NUAK1: variants seen among roughly 807,000 people sequenced by gnomAD.
NUAK1 encodes NUAK family SNF1-like kinase 1.
NUAK1 carries 26 observed loss-of-function variants against 56.9 expected under a neutral mutation model. That is an observed-to-expected ratio of 0.46 (90% CI 0.33 to 0.63). The LOEUF is 0.63. Ranked by LOEUF, NUAK1 falls within the 30% of genes least tolerant of loss-of-function variation. NUAK1 has a pLI of 0.02. For missense variants in NUAK1, 727 were observed against 876.1 expected (o/e 0.83, Z 2.15); for synonymous variants, 337 against 336.0 (o/e 1.00, Z -0.03).
intron 2 of NUAK1, among the ~76,000 whole-genome samples, chr12:106,100,852 G>A (rs1361486989): frequency 6.6e-6 from 1 of 152,220 alleles, no homozygotes; most frequent in Non-Finnish European, 1.5e-5. Flanking sequence ...CACTATGTGT[G>A]TGTGCATTTG....
chr12:106,074,999 G>A (rs1321968763), intron 4 of NUAK1, among the ~76,000 whole-genome samples: 2 of 152,124 alleles, frequency 1.3e-5, no homozygotes, highest in Non-Finnish European at 2.9e-5. Flanking sequence ...CTTCCCGCCT[G>A]GCAGTGCCTG....
intron 2 of NUAK1, among the ~76,000 whole-genome samples, chr12:106,092,240 C>T (rs150336065): frequency 4.5e-4 from 68 of 152,140 alleles, no homozygotes; most frequent in African/African-American, 1.5e-3. Context: ...GAGTCATAGC[C>T]GGGCGTGGTG....
chr12:106,138,707 G>A lies in NUAK1; in HGVS notation c.-54C>T. 1 of 1,443,230 alleles carries A rather than the reference G, an allele frequency of 6.9e-7. No individual in the cohort carries two copies. Among genetic ancestry groups the A allele is most frequent in the Non-Finnish European group, 9.0e-7 (1 of 1,106,580 alleles). The allele number at this position is 1,443,230 out of a possible 1,614,324, so 89.4% of individuals were successfully genotyped here. A position where few individuals can be genotyped will look rare whatever the true frequency, so the allele number is the denominator to read the frequency against. On this transcript the variant is annotated 5_prime_UTR_variant, in exon 1 of 7. Coordinates refer to ENST00000261402, the MANE Select transcript of NUAK1 (RefSeq NM_014840.3). The surrounding 1 kb of genome is among the most constrained non-coding windows in gnomAD (Gnocchi z 5.0). Reference sequence around the variant, plus strand: ...GAGGGCAAGACCGGGCACAGCGCTGGGATGTCGGGGTCCCCACCGAGGGAA... The same window carrying A: ...GAGGGCAAGACCGGGCACAGCGCTGAGATGTCGGGGTCCCCACCGAGGGAA...
At chr12:106,081,933 C>A (rs1168745147) in intron 4 of NUAK1, among the ~76,000 whole-genome samples, 8 of 152,076 alleles carry the variant, frequency 5.3e-5, no homozygotes, top group Admixed American at 5.2e-4. Flanking sequence ...ATGTGGTGGC[C>A]CTCAAACCAA....
Position 106,138,359 on chromosome 12 carries a change from TC to T in NUAK1, c.240+54del. ...AGACCCCCGCCTCGCACGCCCTCAG[TC>T]CCCGGCCGCGTCCACCCAGCGCCCC... On this transcript the variant is annotated intron_variant, in intron 1 of 6. Coordinates refer to ENST00000261402, the MANE Select transcript of NUAK1 (RefSeq NM_014840.3). The surrounding 1 kb of genome is among the most constrained non-coding windows in gnomAD (Gnocchi z 5.0). 1 of 1,544,104 alleles carries T rather than the reference TC, an allele frequency of 6.5e-7. No homozygotes were observed. Among genetic ancestry groups the T allele is most frequent in the Non-Finnish European group, 8.7e-7 (1 of 1,152,688 alleles).
intron 2 of NUAK1, among the ~76,000 whole-genome samples, chr12:106,099,045 T>A (rs1338340542): frequency 1.3e-5 from 2 of 152,352 alleles, no homozygotes; most frequent in East Asian, 3.9e-4. Context: ...CTTTCCTTAG[T>A]ATCACACACT....
chr12:106,136,851 G>A (rs1040894594), intron 1 of NUAK1, among the ~76,000 whole-genome samples: 2 of 152,194 alleles, frequency 1.3e-5, no homozygotes, highest in African/African-American at 4.8e-5. Flanking sequence ...CATGAATGAA[G>A]TGCACGTTTC....
At chr12:106,107,159 G>A (rs1184736015) in intron 1 of NUAK1, among the ~76,000 whole-genome samples, 1 of 152,132 alleles carries the variant, frequency 6.6e-6, no homozygotes, top group African/African-American at 2.4e-5. Flanking sequence ...GTAAAACAAA[G>A]GTAGTGACAG....
chr12:106,067,187 C>T lies in NUAK1; in HGVS notation c.1601G>A (p.Gly534Asp). The part of the protein sequence containing the change: ...ILKHSSKYSA[G>D]TMDPALVSPE... ...GCTGACCAGGGCTGGGTCCATGGTGCCCGCTGAGTATTTGCTGCTGTGTTT... is the reference window on the plus strand; with the variant it reads ...GCTGACCAGGGCTGGGTCCATGGTGTCCGCTGAGTATTTGCTGCTGTGTTT... The change falls in exon 7 of 7, where the codon GGC becomes GAC. Residue 534 changes from glycine to aspartate, a missense_variant. Coordinates refer to ENST00000261402, the MANE Select transcript of NUAK1 (RefSeq NM_014840.3). The surrounding 1 kb of genome is among the most constrained non-coding windows in gnomAD (Gnocchi z 6.0). 6.2e-7 allele frequency: 1 copy of T among 1,614,072 alleles called. No homozygotes were observed. The highest frequency in any genetic ancestry group is 8.5e-7 in the Non-Finnish European group (1 of 1,180,000).
At chr12:106,111,903 A>C (rs1357366968) in intron 1 of NUAK1, among the ~76,000 whole-genome samples, 1 of 29,298 alleles carries the variant, frequency 3.4e-5, no homozygotes, top group South Asian at 8.6e-4. Flanking sequence ...CATAGCCTGT[A>C]AAAAAAAAAA....
chr12:106,109,172 A>T (rs1320345877), intron 1 of NUAK1, among the ~76,000 whole-genome samples: 1 of 152,216 alleles, frequency 6.6e-6, no homozygotes, highest in East Asian at 1.9e-4. Context: ...CTCTACTCCC[A>T]GAGTGGTGGC....
At position 106,063,802 on chromosome 12, in the gene NUAK1, T is replaced by C. The variant is rs1482370915; in HGVS notation, c.*3000A>G. ...TGGCAACAAGCAGTCAGTCGATCAT[T>C]CACATTTGTACTCAAGACAGCAGGC... On this transcript the variant is annotated 3_prime_UTR_variant, in exon 7 of 7. Coordinates refer to ENST00000261402, the MANE Select transcript of NUAK1 (RefSeq NM_014840.3). 1.3e-5 allele frequency: 2 copies of C among 152,426 alleles called. No homozygotes were observed. Among genetic ancestry groups the C allele is most frequent in the Non-Finnish European group, 2.9e-5 (2 of 68,024 alleles). 9.4% of individuals were successfully genotyped at this position (152,426 alleles called of 1,614,324 possible).
Position 106,083,906 on chromosome 12 carries a change from C to T in NUAK1, c.537G>A (p.Leu179=), listed in dbSNP as rs1262381631. The part of the protein sequence containing the change: ...CHKNGVVHRD[L]KLENILLDDN... ...CATCGAGCAGTATATTTTCCAGCTT[C>T]AAGTCCCGGTGGACCACACCGTTCT... The change falls in exon 4 of 7, where the codon TTG becomes TTA. Residue 179 remains leucine (L), a synonymous_variant. Transcript: ENST00000261402. The T allele has an allele frequency of 2.5e-6, 4 of 1,614,132 alleles. No homozygotes were observed. Among genetic ancestry groups the T allele is most frequent in the Non-Finnish European group, 3.4e-6 (4 of 1,180,006 alleles).
At chr12:106,077,672 T>TG (rs780221722) in intron 4 of NUAK1, among the ~76,000 whole-genome samples, 4 of 152,148 alleles carry the variant, frequency 2.6e-5, no homozygotes, top group Non-Finnish European at 5.9e-5. Context: ...CACTCCAATC[T>TG]GGCCCACGGA....
chr12:106,087,028 G>A, intron 2 of NUAK1, 143 bp from the exon 3 acceptor site: 1 of 1,006,380 alleles, frequency 9.9e-7, no homozygotes, highest in Non-Finnish European at 1.5e-6. Flanking sequence ...AGCCAATTCA[G>A]CATCACGAGG....
chr12:106,133,767 T>C (rs1479019785), intron 1 of NUAK1, among the ~76,000 whole-genome samples: 1 of 152,218 alleles, frequency 6.6e-6, no homozygotes, highest in Non-Finnish European at 1.5e-5. Context: ...TGAGCTAAGC[T>C]TCAATGAACT....
intron 1 of NUAK1, among the ~76,000 whole-genome samples, chr12:106,110,012 C>T (rs190225391): frequency 6.6e-6 from 1 of 152,130 alleles, no homozygotes; most frequent in Non-Finnish European, 1.5e-5. Flanking sequence ...ACATAAAGGA[C>T]AAGAGCATCT....
chr12:106,118,213 C>T (rs2032938829), intron 1 of NUAK1, among the ~76,000 whole-genome samples: 1 of 152,140 alleles, frequency 6.6e-6, no homozygotes, highest in African/African-American at 2.4e-5. Flanking sequence ...ATTGCCCCCA[C>T]CACCACCCCA....
intron 4 of NUAK1, among the ~76,000 whole-genome samples, chr12:106,077,201 T>C (rs771161144): frequency 2.6e-5 from 4 of 152,194 alleles, no homozygotes; most frequent in Non-Finnish European, 4.4e-5. Context: ...GATCAGACAT[T>C]TTGGGTCCAG....
Sources: allele counts gnomAD v4.1 joint callset (sites outside exome capture counted in the v4.1 genomes callset), GRCh38; gene constraint gnomAD v4.1.1; non-coding constraint Gnocchi (gnomAD v3.1); transcripts MANE v1.5; gene names NCBI Gene and HGNC (gene_info 2026-07-23, HGNC 2026-07-21).